MCF2L2: variants seen among roughly 807,000 people sequenced by gnomAD.
MCF2L2 encodes MCF.2 cell line derived transforming sequence-like 2.
Under a neutral mutation model 150.2 loss-of-function variants are expected in MCF2L2, and 102 were observed. That is an observed-to-expected ratio of 0.68 (90% CI 0.58 to 0.80). The LOEUF is 0.80. MCF2L2 is among the 30% of genes least tolerant of loss of function. The pLI is 0.00. For missense variants in MCF2L2, 1,256 were observed against 1,372.8 expected (o/e 0.91, Z 1.34); for synonymous variants, 465 against 491.3 (o/e 0.95, Z 0.71).
chr3:183,393,789 G>C (rs1486566431), intron 1 of MCF2L2, among the ~76,000 whole-genome samples: 1 of 152,202 alleles, frequency 6.6e-6, no homozygotes, highest in Non-Finnish European at 1.5e-5. Flanking sequence ...CCACTTCCCA[G>C]GCTGAGAGAG....
intron 22 of MCF2L2, among the ~76,000 whole-genome samples, chr3:183,214,516 A>G (rs758430065): frequency 2.6e-5 from 4 of 152,160 alleles, no homozygotes; most frequent in Non-Finnish European, 5.9e-5. Flanking sequence ...TCGGACCTTA[A>G]TAACTTTCAT....
At chr3:183,417,923 G>C (rs1828193) in intron 1 of MCF2L2, among the ~76,000 whole-genome samples, 147,282 of 152,262 alleles carry the variant, frequency 0.97, 71,271 homozygotes, top group East Asian at 1. Flanking sequence ...ATCTTGTGGC[G>C]GGGCCTGTAA....
chr3:183,192,754 A>G (rs1201690987), intron 27 of MCF2L2: 2 of 408,716 alleles, frequency 4.9e-6, no homozygotes, highest in South Asian at 7.0e-5. Flanking sequence ...AACAGTGGAT[A>G]AGGGGGTGCT....
intron 21 of MCF2L2, among the ~76,000 whole-genome samples, 197 bp downstream of exon 21, chr3:183,219,659 T>G (rs572030248): frequency 2.6e-5 from 4 of 152,158 alleles, no homozygotes; most frequent in African/African-American, 4.8e-5. Flanking sequence ...CCACTTCCAT[T>G]TGGGCTGCAA....
At chr3:183,201,481 A>C (rs891875221) in intron 25 of MCF2L2, among the ~76,000 whole-genome samples, 28 of 152,184 alleles carry the variant, frequency 1.8e-4, no homozygotes, top group Middle Eastern at 3.4e-3. Flanking sequence ...GATTTTGTAT[A>C]CTGAGACTTT....
chr3:183,339,467 T>C (rs1212715006), intron 4 of MCF2L2, among the ~76,000 whole-genome samples: 9 of 152,232 alleles, frequency 5.9e-5, no homozygotes, highest in Non-Finnish European at 2.9e-5. Flanking sequence ...TTTAGGCTTT[T>C]TGATAATTTT....
chr3:183,393,192 CTT>C (rs11390628), intron 1 of MCF2L2, among the ~76,000 whole-genome samples: 51 of 131,950 alleles, frequency 3.9e-4, no homozygotes, highest in Admixed American at 4.6e-4. Flanking sequence ...AAACTTGTCT[CTT>C]TTTTTTTTTT....
chr3:183,220,326 G>C (rs1576933749), intron 20 of MCF2L2, among the ~76,000 whole-genome samples: 2 of 152,172 alleles, frequency 1.3e-5, no homozygotes, highest in East Asian at 1.9e-4. Context: ...GATTGTGGTA[G>C]AGTGTTATAT....
At chr3:183,341,350 G>A (rs1730687811) in intron 4 of MCF2L2, among the ~76,000 whole-genome samples, 190 bp downstream of exon 4, 1 of 152,168 alleles carries the variant, frequency 6.6e-6, no homozygotes, top group Admixed American at 6.5e-5. Flanking sequence ...TCTTTGACAT[G>A]CTCAGAATTG....
chr3:183,409,838 G>A (rs1715235197), intron 1 of MCF2L2, among the ~76,000 whole-genome samples: 1 of 152,138 alleles, frequency 6.6e-6, no homozygotes, highest in Admixed American at 6.5e-5. Context: ...TTACAAGCGT[G>A]AGCCACTGAA....
rs184415584 is a variant in MCF2L2, at chr3:183,317,202, C to T, written c.753+866G>A. Among the ~76,000 whole-genome samples the T allele has an allele frequency of 2.4e-3, 366 of 152,290 alleles. 2 individuals carry two copies. Among genetic ancestry groups the T allele is most frequent in the African/African-American group, 8.5e-3 (354 of 41,548 alleles). On this transcript the variant is annotated intron_variant, in intron 7 of 29. Transcript: ENST00000328913. Reference sequence around the variant, plus strand: ...AATGTTGAATAAACGAACAAATCAACCATCTAGCAAAGCATTTTTGCAAAT... The same window carrying T: ...AATGTTGAATAAACGAACAAATCAATCATCTAGCAAAGCATTTTTGCAAAT...
chr3:183,301,510 T>C (rs1485919815), intron 10 of MCF2L2, among the ~76,000 whole-genome samples: 1 of 152,122 alleles, frequency 6.6e-6, no homozygotes, highest in Admixed American at 6.6e-5. Flanking sequence ...AGCCTGAGAC[T>C]AGGCCGGGCT....
chr3:183,349,349 C>T (rs1410451948), intron 3 of MCF2L2, among the ~76,000 whole-genome samples: 1 of 152,174 alleles, frequency 6.6e-6, no homozygotes, highest in African/African-American at 2.4e-5. Flanking sequence ...TTCCTAAGCA[C>T]TACTTTTATC....
At chr3:183,385,790 A>G (rs1431647718) in intron 2 of MCF2L2, among the ~76,000 whole-genome samples, 1 of 152,196 alleles carries the variant, frequency 6.6e-6, no homozygotes. Context: ...GCCTTCTGAG[A>G]TTCTCTTGCT....
intron 14 of MCF2L2, among the ~76,000 whole-genome samples, chr3:183,281,723 AG>A (rs1560401035): frequency 6.6e-6 from 1 of 151,970 alleles, no homozygotes; most frequent in Non-Finnish European, 1.5e-5. Flanking sequence ...GGATGAGGAG[AG>A]GAAGGTTTTA....
chr3:183,210,444 G>C (rs767309542), intron 22 of MCF2L2, among the ~76,000 whole-genome samples: 1 of 152,182 alleles, frequency 6.6e-6, no homozygotes, highest in Non-Finnish European at 1.5e-5. Flanking sequence ...ACACAAACCG[G>C]TTGTTCAGGA....
chr3:183,270,473 T>C lies in MCF2L2; in HGVS notation c.1862+6399A>G, dbSNP rs1726657079. 1.9e-6 allele frequency: 3 copies of C among 1,614,100 alleles called. No individual in the cohort carries two copies. The highest frequency in any genetic ancestry group is 2.2e-5 in the South Asian group (2 of 91,094). The stretch of plus-strand genomic sequence containing the variant: ...ACTTTTGGATTGGTCGTGTTCATCG[T>C]GGTGCCCCTCCCATTAGAGATAAAA... On this transcript the variant is annotated intron_variant, in intron 15 of 29. Transcript: ENST00000328913. This position sits in a 1 kb window ranked among gnomAD's most constrained non-coding sequence, Gnocchi z 4.5.
chr3:183,192,829 A>T (rs1576910737), intron 27 of MCF2L2, 170 bp downstream of exon 27: 1 of 556,442 alleles, frequency 1.8e-6, no homozygotes, highest in East Asian at 2.9e-5. Context: ...CTCTACACAA[A>T]TGAATAGCAG....
intron 27 of MCF2L2, among the ~76,000 whole-genome samples, chr3:183,187,170 C>G (rs1365595930): frequency 6.6e-6 from 1 of 152,132 alleles, no homozygotes; most frequent in African/African-American, 2.4e-5. Flanking sequence ...ACTAAATTAT[C>G]TAGGCCCAAA....
Sources: allele counts gnomAD v4.1 joint callset (sites outside exome capture counted in the v4.1 genomes callset), GRCh38; gene constraint gnomAD v4.1.1; non-coding constraint Gnocchi (gnomAD v3.1); transcripts MANE v1.5; gene names NCBI Gene and HGNC (gene_info 2026-07-23, HGNC 2026-07-21).